The following MGAT4C variants were observed in gnomAD, a reference collection of about 807,000 sequenced individuals.
MGAT4C encodes the protein alpha-1,3-mannosyl-glycoprotein 4-beta-N-acetylglucosaminyltransferase C.
MGAT4C carries 19 observed loss-of-function variants against 40.1 expected under a neutral mutation model. The observed-to-expected ratio is 0.47, with a 90% confidence interval of 0.33 to 0.70. The LOEUF is 0.70. MGAT4C is among the 30% of genes least tolerant of loss of function. MGAT4C has a pLI of 0.02. For synonymous variants in MGAT4C, 181 were observed against 187.1 expected (o/e 0.97, Z 0.27); for missense variants, 491 against 563.2 (o/e 0.87, Z 1.30).
intron 3 of MGAT4C, among the ~76,000 whole-genome samples, chr12:86,401,439 T>G (rs1484122477): frequency 6.6e-6 from 1 of 152,030 alleles, no homozygotes; most frequent in African/African-American, 2.4e-5. Context: ...AATCACTGGA[T>G]TTTTCAATGT....
intron 2 of MGAT4C, among the ~76,000 whole-genome samples, chr12:86,482,920 T>A (rs986529930): frequency 2.0e-5 from 3 of 152,240 alleles, no homozygotes; most frequent in African/African-American, 7.2e-5. Flanking sequence ...CTGGGTTTAA[T>A]GCTAATATTT....
In MGAT4C at chr12:86,111,144, C is replaced by T. The variant is rs57436877; in HGVS notation, c.-56-61421G>A. 0.022 allele frequency among the ~76,000 whole-genome samples: 3,341 copies of T among 151,658 alleles called. 258 individuals are homozygous for T. In the East Asian group the frequency reaches 0.28, roughly 13 times the overall value. ...GGCATTTTAGGGAGACTAATTTTCT[C>T]TATATATTTAAAGCAATGGTGTTGT... On this transcript the variant is annotated intron_variant, in intron 1 of 4. Transcript: ENST00000611864.
At chr12:86,112,792 T>C (rs1877693139) in intron 1 of MGAT4C, among the ~76,000 whole-genome samples, 1 of 151,770 alleles carries the variant, frequency 6.6e-6, no homozygotes, top group South Asian at 2.1e-4. Context: ...GAAGATGGCA[T>C]TGGTGAGTGA....
At chr12:86,715,020 A>G (rs1950621815) in intron 2 of MGAT4C, among the ~76,000 whole-genome samples, 1 of 152,106 alleles carries the variant, frequency 6.6e-6, no homozygotes, top group Non-Finnish European at 1.5e-5. Context: ...AGTTGTGATA[A>G]TTTCACCATG....
chr12:86,532,280 T>C (rs1430452686), intron 2 of MGAT4C, among the ~76,000 whole-genome samples: 1 of 152,014 alleles, frequency 6.6e-6, no homozygotes, highest in African/African-American at 2.4e-5. Context: ...AAATACCTAA[T>C]AAGGTTTATC....
chr12:86,738,492 T>C (rs1367872449), intron 1 of MGAT4C, among the ~76,000 whole-genome samples: 2 of 151,350 alleles, frequency 1.3e-5, no homozygotes, highest in Non-Finnish European at 3.0e-5. Context: ...TGTTCAATAA[T>C]GGATCCACAA....
rs1436617554 is a variant in MGAT4C at position 86,408,471 on chromosome 12, CTCTCTCTCTATATATATATATA to C, written c.-120+26664_-120+26685del. ...AAACTCTCTCTCTCTCTCTCTCTCT[CTCTCTCTCTATATATATATATA>C]TATATATATATATATATATATTCTT... On this transcript the variant is annotated intron_variant, in intron 3 of 7. Transcript: ENST00000548651. Among the ~76,000 whole-genome samples, 20 of 109,434 alleles carry C rather than the reference CTCTCTCTCTATATATATATATA, an allele frequency of 1.8e-4. No individual in the cohort carries two copies. The East Asian group carries it at 5.6e-3, about 31-fold the overall frequency. 71.8% of individuals were successfully genotyped at this position (109,434 alleles called of 152,430 possible). A position where few individuals can be genotyped will look rare whatever the true frequency, so the allele number is the denominator to read the frequency against.
intron 3 of MGAT4C, among the ~76,000 whole-genome samples, chr12:86,404,130 C>T (rs1760447930): frequency 6.6e-6 from 1 of 152,098 alleles, no homozygotes; most frequent in African/African-American, 2.4e-5. Context: ...TTGCGGTGAG[C>T]TTTGATTGCA....
chr12:86,054,688 A>G (rs1893218442), intron 1 of MGAT4C, among the ~76,000 whole-genome samples: 1 of 151,898 alleles, frequency 6.6e-6, no homozygotes, highest in African/African-American at 2.4e-5. Context: ...TCATTTATTT[A>G]TCAATTAAAA....
At chr12:86,609,755 A>T (rs1962181565) in intron 2 of MGAT4C, among the ~76,000 whole-genome samples, 1 of 150,816 alleles carries the variant, frequency 6.6e-6, no homozygotes, top group Non-Finnish European at 1.5e-5. Flanking sequence ...AGAAATATGT[A>T]CAGTTTTACC....
At chr12:86,002,270 AG>A (rs1565841739) in intron 2 of MGAT4C, 1 of 152,220 alleles carries the variant, frequency 6.6e-6, no homozygotes, top group African/African-American at 2.4e-5. Context: ...TATTTTATCC[AG>A]ATGAGGCTTT....
chr12:86,131,487 G>C (rs1881171046), intron 1 of MGAT4C, among the ~76,000 whole-genome samples: 1 of 151,736 alleles, frequency 6.6e-6, no homozygotes, highest in East Asian at 1.9e-4. Flanking sequence ...ATCTACAAAG[G>C]GGTATTTTGC....
intron 1 of MGAT4C, among the ~76,000 whole-genome samples, chr12:86,109,146 T>G (rs1204993910): frequency 2.0e-5 from 3 of 151,978 alleles, no homozygotes; most frequent in Non-Finnish European, 4.4e-5. Flanking sequence ...TGTCAAATAC[T>G]CTTTCTATCA....
At chr12:86,432,847 G>A (rs1011221834) in intron 3 of MGAT4C, among the ~76,000 whole-genome samples, 1 of 152,052 alleles carries the variant, frequency 6.6e-6, no homozygotes, top group Non-Finnish European at 1.5e-5. Flanking sequence ...AGAAAGCAAT[G>A]AATTTGCATC....
At position 86,349,368 on chromosome 12, in the gene MGAT4C, C is replaced by T. The variant is rs569481147; in HGVS notation, c.-119-15241G>A. ...GCCAGATGGCTCACTATACATCTGG[C>T]TCATTTCCACTGCTAGTAAACGTTG... On this transcript the variant is annotated intron_variant, in intron 3 of 7. Transcript: ENST00000548651. Among the ~76,000 whole-genome samples the T allele has an allele frequency of 2.6e-5, 4 of 152,220 alleles. No individual in the cohort carries two copies. In the South Asian group the frequency reaches 8.3e-4, roughly 32 times the overall value.
At position 86,613,854 on chromosome 12, in the gene MGAT4C, A is replaced by C. The variant is rs1012184991; in HGVS notation, c.-229+113355T>G. ...AATCTAAGGGTTGAACAAAACAGGA[A>C]GTACATTTAAAACATATTTTATTTA... On this transcript the variant is annotated intron_variant, in intron 2 of 7. Coordinates refer to the MGAT4C transcript ENST00000548651. 2.0e-5 allele frequency among the ~76,000 whole-genome samples: 3 copies of C among 152,260 alleles called. No homozygotes were observed. In the East Asian group the frequency reaches 5.8e-4, roughly 29 times the overall value.
chr12:86,513,148 G>A (rs564188811), intron 2 of MGAT4C, among the ~76,000 whole-genome samples: 12 of 151,988 alleles, frequency 7.9e-5, no homozygotes, highest in Non-Finnish European at 1.2e-4. Flanking sequence ...TAATAGTTAC[G>A]AAGTAAGATT....
intron 1 of MGAT4C, among the ~76,000 whole-genome samples, chr12:86,788,245 C>T (rs1951966868): frequency 6.7e-6 from 1 of 149,410 alleles, no homozygotes; most frequent in Admixed American, 6.7e-5. Flanking sequence ...CAGTGGGTAT[C>T]TGTTTTTAGT....
chr12:86,713,101 TACACAC>T (rs3080043), intron 2 of MGAT4C, among the ~76,000 whole-genome samples: 2 of 151,120 alleles, frequency 1.3e-5, no homozygotes, highest in African/African-American at 2.4e-5. Context: ...TGCACACACA[TACACAC>T]ACACACACAC....
Sources: gnomAD v4.1 joint callset for allele counts (sites outside exome capture counted in the v4.1 genomes callset) on GRCh38, gnomAD v4.1.1 for gene constraint, MANE v1.5 for transcripts, NCBI Gene and HGNC (gene_info 2026-07-23, HGNC 2026-07-21) for gene names.